Variants in SIPA1L2 observed in about 807,000 individuals in gnomAD.
SIPA1L2 encodes the protein signal induced proliferation associated 1 like 2.
SIPA1L2 carries 56 observed loss-of-function variants against 163.9 expected under a neutral mutation model. The observed-to-expected ratio is 0.34, with a 90% CI of 0.28 to 0.43. SIPA1L2 has a LOEUF of 0.43. SIPA1L2 is among the 20% of genes least tolerant of loss of function. The pLI, the probability that SIPA1L2 is intolerant of heterozygous loss-of-function variation, is 1.00. For synonymous variants in SIPA1L2, 877 were observed against 865.7 expected (o/e 1.01, Z -0.23); for missense variants, 1,974 against 2,193.5 (o/e 0.90, Z 2.00).
chr1:232,482,830 G>A lies in SIPA1L2; in HGVS notation c.1981+962C>T, dbSNP rs552113896. On this transcript the variant is annotated intron_variant, in intron 6 of 22. Coordinates refer to ENST00000674635, the MANE Select transcript of SIPA1L2 (RefSeq NM_020808.5). The stretch of plus-strand genomic sequence containing the variant: ...GCCACCTCAGTTCCAATCCCAGCTC[G>A]GCCACACCCTGACGCTCCCACACAG... Among the ~76,000 whole-genome samples the A allele has an allele frequency of 4.6e-5, 7 of 152,212 alleles. No individual in the cohort carries two copies. The East Asian group carries it at 1.2e-3, about 25-fold the overall frequency.
Position 232,465,740 on chromosome 1 carries a change from T to C in SIPA1L2, c.2244-324A>G, listed in dbSNP as rs1004234817. Among the ~76,000 whole-genome samples the C allele has an allele frequency of 2.0e-5, 3 of 151,972 alleles. No homozygotes were observed. The highest frequency in any genetic ancestry group is 2.9e-5 in the Non-Finnish European group (2 of 68,006). Reference sequence around the variant, plus strand: ...CAAGATAACCCATAGTTCCTGGGAATGTGACGCAATCTGGAGAAAGGACCC... The same window carrying C: ...CAAGATAACCCATAGTTCCTGGGAACGTGACGCAATCTGGAGAAAGGACCC... On this transcript the variant is annotated intron_variant, in intron 8 of 22. Coordinates refer to ENST00000674635, the MANE Select transcript of SIPA1L2 (RefSeq NM_020808.5). This position sits in a 1 kb window ranked among gnomAD's most constrained non-coding sequence, Gnocchi z 4.1.
At chr1:232,435,527 G>T (rs1216513922) in intron 15 of SIPA1L2, among the ~76,000 whole-genome samples, 2 of 152,136 alleles carry the variant, frequency 1.3e-5, no homozygotes, top group Non-Finnish European at 2.9e-5. Flanking sequence ...TTATACTGCT[G>T]ACGTCCAGTC....
intron 2 of SIPA1L2, among the ~76,000 whole-genome samples, chr1:232,533,778 C>A (rs1657126258): frequency 6.6e-6 from 1 of 152,118 alleles, no homozygotes; most frequent in African/African-American, 2.4e-5. Context: ...CTCAGAGACT[C>A]CAAAGACACT....
At chr1:232,473,537 T>C (rs1664898613) in intron 7 of SIPA1L2, among the ~76,000 whole-genome samples, 1 of 152,222 alleles carries the variant, frequency 6.6e-6, no homozygotes, top group Non-Finnish European at 1.5e-5. Flanking sequence ...TGCACAGTTA[T>C]TCCTATCCAA....
At chr1:232,532,505 C>G (rs1657025578) in intron 2 of SIPA1L2, among the ~76,000 whole-genome samples, 1 of 152,192 alleles carries the variant, frequency 6.6e-6, no homozygotes, top group Non-Finnish European at 1.5e-5. Context: ...TCACACTGAT[C>G]ACTTCTTACT....
chr1:232,553,526 G>T (rs1281068417), intron 2 of SIPA1L2, among the ~76,000 whole-genome samples: 1 of 152,144 alleles, frequency 6.6e-6, no homozygotes, highest in Non-Finnish European at 1.5e-5. Flanking sequence ...CCTGTTTCCT[G>T]TCTCTTGTCC....
intron 12 of SIPA1L2, 85 bp downstream of exon 12, chr1:232,443,517 C>G: frequency 9.5e-7 from 1 of 1,053,472 alleles, no homozygotes; most frequent in East Asian, 2.7e-5. Context: ...GCCCCAGGTA[C>G]AGAAGGCACA....
At chr1:232,528,390 T>A (rs191688324) in intron 2 of SIPA1L2, among the ~76,000 whole-genome samples, 1 of 152,274 alleles carries the variant, frequency 6.6e-6, no homozygotes, top group Non-Finnish European at 1.5e-5. Flanking sequence ...CATTTTTTTC[T>A]ACTGTCGCAG....
chr1:232,402,544 C>T, intron 21 of SIPA1L2, 71 bp from the exon 22 acceptor site: 2 of 1,357,590 alleles, frequency 1.5e-6, no homozygotes, highest in East Asian at 2.4e-5. Context: ...CAAGTTTTCA[C>T]TCGAAAAAAT....
chr1:232,541,470 G>GCAAGT (rs1422143804), intron 2 of SIPA1L2, among the ~76,000 whole-genome samples: 2 of 152,130 alleles, frequency 1.3e-5, no homozygotes, highest in African/African-American at 2.4e-5. Context: ...AGGCCCAAGT[G>GCAAGT]CAAGTAAGGC....
intron 1 of SIPA1L2, among the ~76,000 whole-genome samples, chr1:232,593,159 C>A (rs1002267841): frequency 6.6e-6 from 1 of 152,164 alleles, no homozygotes; most frequent in African/African-American, 2.4e-5. Flanking sequence ...AAACACAAAA[C>A]ATCACATTTA....
At chr1:232,629,665 C>G (rs1489797321) in intron 1 of SIPA1L2, among the ~76,000 whole-genome samples, 1 of 152,120 alleles carries the variant, frequency 6.6e-6, no homozygotes, top group Non-Finnish European at 1.5e-5. Context: ...AGCCGGGGAT[C>G]GGGAGCGCGG....
intron 3 of SIPA1L2, among the ~76,000 whole-genome samples, chr1:232,507,943 C>T (rs1041526809): frequency 3.3e-5 from 5 of 152,106 alleles, no homozygotes; most frequent in African/African-American, 4.8e-5. Context: ...AGGATAATGA[C>T]GAAATGTTAA....
upstream of SIPA1L2, among the ~76,000 whole-genome samples, chr1:232,630,306 T>C (rs747873872): frequency 7.9e-5 from 12 of 151,592 alleles, no homozygotes; most frequent in Non-Finnish European, 1.6e-4. Context: ...CGGTGCGCTG[T>C]TCCCAGGCCC....
intron 3 of SIPA1L2, among the ~76,000 whole-genome samples, chr1:232,495,455 C>T (rs1666133882): frequency 6.6e-6 from 1 of 151,448 alleles, no homozygotes; most frequent in African/African-American, 2.4e-5. Flanking sequence ...GTCCCAGCTA[C>T]TCGGGAGGCT....
chr1:232,572,650 T>A lies in SIPA1L2; in HGVS notation c.-270+1524A>T, dbSNP rs562643999. ...GGTATTCTGTCACAGTTTAAATGTT[T>A]ATCGTCAAATACATATATATATATA... On this transcript the variant is annotated intron_variant, in intron 2 of 22. Transcript: ENST00000674635. Among the ~76,000 whole-genome samples the A allele has an allele frequency of 4.4e-3, 629 of 142,572 alleles. 1 individual carries two copies. Among genetic ancestry groups the A allele is most frequent in the Non-Finnish European group, 6.8e-3 (441 of 65,064 alleles). The allele number at this position is 142,572 out of a possible 152,430, so 93.5% of individuals were successfully genotyped here.
intron 2 of SIPA1L2, among the ~76,000 whole-genome samples, chr1:232,542,328 T>A (rs563176800): frequency 6.6e-6 from 1 of 152,360 alleles, no homozygotes; most frequent in African/African-American, 2.4e-5. Context: ...TATGCCATGC[T>A]TAAAGATGTG....
chr1:232,471,486 C>T lies in SIPA1L2; in HGVS notation c.2128G>A (p.Val710Ile), dbSNP rs770215522. ...GGAAGTGCCCCAGGCTCCTGGAAGA[C>T]GATGGTGACGATGTCATTTCCTATG... ...RHIGNDIVTI[V>I]FQEPGALPFT... is the part of the protein sequence containing the mutation. Residue 710 changes from valine to isoleucine, a missense_variant, in exon 8 of 23, where the codon GTC becomes ATC. Physicochemically the swap from Val to Ile is conservative, Grantham distance 29 (BLOSUM62 3). Coordinates refer to ENST00000674635, the MANE Select transcript of SIPA1L2 (RefSeq NM_020808.5). The T allele has an allele frequency of 1.1e-5, 18 of 1,613,840 alleles. No homozygotes were observed. The highest frequency in any genetic ancestry group is 2.2e-5 in the East Asian group (1 of 44,878).
chr1:232,469,135 C>G (rs894893757), intron 8 of SIPA1L2, among the ~76,000 whole-genome samples: 1 of 152,202 alleles, frequency 6.6e-6, no homozygotes, highest in African/African-American at 2.4e-5. Context: ...CCCCTTCTGA[C>G]AGCTGTAAGG....
Sources: gnomAD v4.1 joint callset for allele counts (sites outside exome capture counted in the v4.1 genomes callset) on GRCh38, gnomAD v4.1.1 for gene constraint, Gnocchi (gnomAD v3.1) non-coding constraint, MANE v1.5 for transcripts, NCBI Gene and HGNC (gene_info 2026-07-23, HGNC 2026-07-21) for gene names.